SLC24A2: variants seen among roughly 807,000 people sequenced by gnomAD.
SLC24A2 encodes the protein sodium/potassium/calcium exchanger 2.
SLC24A2 carries 36 observed loss-of-function variants against 62.0 expected under a neutral mutation model. The observed-to-expected ratio is 0.58, with a 90% confidence interval of 0.44 to 0.77. SLC24A2 has a LOEUF of 0.77. Among genes scored for constraint, SLC24A2 ranks in the 30% least tolerant of loss-of-function variants. SLC24A2 has a pLI of 0.00. For missense variants in SLC24A2, 846 were observed against 817.9 expected (o/e 1.03, Z -0.42); for synonymous variants, 358 against 294.0 (o/e 1.22, Z -2.23).
chr9:19,880,170 A>C, the SLC24A2 span, among the ~76,000 whole-genome samples: 10 of 152,302 alleles, frequency 6.6e-5, no homozygotes, highest in East Asian at 1.9e-3. Flanking sequence ...AATTTATGGC[A>C]ATGTTGTGAT....
chr9:19,862,143 A>G, the SLC24A2 span, among the ~76,000 whole-genome samples: 2 of 152,214 alleles, frequency 1.3e-5, no homozygotes, highest in Admixed American at 1.3e-4. Flanking sequence ...ATCTCAAGGC[A>G]TTTAATAATC....
At chr9:20,219,932 G>A in the SLC24A2 span, among the ~76,000 whole-genome samples, 14 of 152,182 alleles carry the variant, frequency 9.2e-5, no homozygotes, top group East Asian at 1.7e-3. Context: ...TACACAATTC[G>A]AGCTTTGGAG....
the SLC24A2 span, among the ~76,000 whole-genome samples, chr9:19,863,911 TAAAAAGTTAAAC>T: frequency 6.6e-5 from 10 of 151,952 alleles, no homozygotes; most frequent in Admixed American, 2.0e-4. Flanking sequence ...GTTGTTTTTT[TAAAAAGTTAAAC>T]AAAATTGACA....
intron 2 of SLC24A2, among the ~76,000 whole-genome samples, chr9:19,687,734 C>T (rs1320063759): frequency 6.6e-6 from 1 of 152,066 alleles, no homozygotes; most frequent in African/African-American, 2.4e-5. Context: ...AATCAGATTC[C>T]TACCAGTTAC....
the SLC24A2 span, among the ~76,000 whole-genome samples, chr9:20,093,283 G>A: frequency 2.0e-5 from 3 of 151,878 alleles, no homozygotes; most frequent in African/African-American, 7.3e-5. Context: ...TGTCAGTCAG[G>A]CTGGTCTCGA....
At chr9:19,682,411 G>A (rs1477081918) in intron 2 of SLC24A2, among the ~76,000 whole-genome samples, 2 of 152,102 alleles carry the variant, frequency 1.3e-5, no homozygotes, top group Non-Finnish European at 2.9e-5. Flanking sequence ...ATAGTAGCAG[G>A]AATAAAGATG....
At chr9:20,130,989 C>T in the SLC24A2 span, among the ~76,000 whole-genome samples, 1 of 151,216 alleles carries the variant, frequency 6.6e-6, no homozygotes, top group African/African-American at 2.5e-5. Context: ...GCTGGAGGGA[C>T]AGCATTCACA....
chr9:19,857,054 G>T, the SLC24A2 span, among the ~76,000 whole-genome samples: 1 of 152,202 alleles, frequency 6.6e-6, no homozygotes, highest in African/African-American at 2.4e-5. Flanking sequence ...TCTTACAGTT[G>T]TGGAAGTACA....
chr9:19,550,747 A>C (rs1834804988), intron 7 of SLC24A2, among the ~76,000 whole-genome samples: 2 of 150,328 alleles, frequency 1.3e-5, no homozygotes, highest in African/African-American at 4.9e-5. Flanking sequence ...CAGGCAAATG[A>C]AAGTAACCAC....
At chr9:20,242,606 A>G in the SLC24A2 span, among the ~76,000 whole-genome samples, 1 of 152,132 alleles carries the variant, frequency 6.6e-6, no homozygotes, top group South Asian at 2.1e-4. Context: ...GAAAATTCCA[A>G]CTTAAGGTGG....
chr9:20,242,612 G>A, the SLC24A2 span, among the ~76,000 whole-genome samples: 2,158 of 152,240 alleles, frequency 0.014, 25 homozygotes, highest in Non-Finnish European at 0.02. Flanking sequence ...TCCAACTTAA[G>A]GTGGATGTGT....
chr9:20,229,421 G>C, the SLC24A2 span, among the ~76,000 whole-genome samples: 1 of 152,190 alleles, frequency 6.6e-6, no homozygotes, highest in Non-Finnish European at 1.5e-5. Context: ...TGCCTGGTCT[G>C]TGTTAAACAC....
Position 19,658,486 on chromosome 9 carries a change from C to T in SLC24A2, c.931-36187G>A, listed in dbSNP as rs977886565. Among the ~76,000 whole-genome samples, 13 of 152,288 alleles carry T rather than the reference C, an allele frequency of 8.5e-5. No individual in the cohort carries two copies. The South Asian group carries it at 1.4e-3, about 17-fold the overall frequency. ...AAACAATAGCTAACATTTATTATTA[C>T]TATGTCCTGAGCACCAAGTTAAAAA... On this transcript the variant is annotated intron_variant, in intron 2 of 10. Coordinates refer to ENST00000341998, the MANE Select transcript of SLC24A2 (RefSeq NM_020344.4).
the SLC24A2 span, among the ~76,000 whole-genome samples, chr9:20,263,867 C>CT: frequency 9.1e-6 from 1 of 109,562 alleles, no homozygotes; most frequent in Non-Finnish European, 1.9e-5. Flanking sequence ...ACCCGCCCCC[C>CT]CCCCCCCATT....
chr9:20,028,960 TCTAA>T, the SLC24A2 span, among the ~76,000 whole-genome samples: 4 of 152,228 alleles, frequency 2.6e-5, no homozygotes, highest in Non-Finnish European at 5.9e-5. Context: ...TTCTGTTTCC[TCTAA>T]CTAATCACCA....
At chr9:20,199,974 G>A in the SLC24A2 span, among the ~76,000 whole-genome samples, 9 of 147,898 alleles carry the variant, frequency 6.1e-5, no homozygotes, top group African/African-American at 1.0e-4. Context: ...CAGGTGATCC[G>A]CCCATCTCGG....
chr9:20,107,852 A>C, the SLC24A2 span, among the ~76,000 whole-genome samples: 14,935 of 152,088 alleles, frequency 0.098, 1,498 homozygotes, highest in East Asian at 0.54. Flanking sequence ...AATGGGATCT[A>C]ATTAACCTAA....
At chr9:19,558,747 C>A (rs1017740679) in intron 7 of SLC24A2, among the ~76,000 whole-genome samples, 1 of 152,230 alleles carries the variant, frequency 6.6e-6, no homozygotes, top group Non-Finnish European at 1.5e-5. Context: ...AAACAAGGAA[C>A]TATCCTGCTT....
At chr9:19,564,591 T>A (rs541332515) in intron 7 of SLC24A2, among the ~76,000 whole-genome samples, 1 of 152,114 alleles carries the variant, frequency 6.6e-6, no homozygotes, top group African/African-American at 2.4e-5. Flanking sequence ...CATTTTCTTA[T>A]ATAAATCTGT....
Sources: gnomAD v4.1 joint callset for allele counts (sites outside exome capture counted in the v4.1 genomes callset) on GRCh38, gnomAD v4.1.1 for gene constraint, MANE v1.5 for transcripts, NCBI Gene and HGNC (gene_info 2026-07-23, HGNC 2026-07-21) for gene names.